The following XKR6 variants were observed in gnomAD, a reference collection of about 807,000 sequenced individuals.
XKR6 encodes the protein XK related 6, also known as XK-related protein 6.
Under a neutral mutation model 56.7 loss-of-function variants are expected in XKR6, and 22 were observed. The ratio of observed to expected loss-of-function variants is 0.39; its 90% CI spans 0.28 to 0.55. The LOEUF is 0.55. XKR6 is among the 20% of genes least tolerant of loss of function. The pLI, the probability that XKR6 is intolerant of heterozygous loss-of-function variation, is 0.66. For missense variants in XKR6, 852 were observed against 889.0 expected (o/e 0.96, Z 0.53); for synonymous variants, 524 against 387.8 (o/e 1.35, Z -4.13).
Position 11,173,151 on chromosome 8 carries a change from C to T in XKR6, c.764+27425G>A, listed in dbSNP as rs537518017. Among the ~76,000 whole-genome samples, 1,009 of 149,554 alleles carry T rather than the reference C, an allele frequency of 6.7e-3. 3 individuals carry two copies. The highest frequency in any genetic ancestry group is 9.7e-3 in the Non-Finnish European group (656 of 67,470). Reference sequence around the variant, plus strand: ...GAGATCGAGACCATCCTGGCTAACACGGTGAAACCCCGTCTCCACTAAAAA... The same window carrying T: ...GAGATCGAGACCATCCTGGCTAACATGGTGAAACCCCGTCTCCACTAAAAA... On this transcript the variant is annotated intron_variant, in intron 1 of 2. Transcript: ENST00000416569.
chr8:11,108,398 A>G (rs1327270836), intron 1 of XKR6: 2 of 445,014 alleles, frequency 4.5e-6, no homozygotes, highest in Non-Finnish European at 8.9e-6. Context: ...ACCCCAAGAC[A>G]TAAGAAAAAG....
At chr8:11,100,281 T>C (rs1384042703) in intron 1 of XKR6, among the ~76,000 whole-genome samples, 3 of 152,170 alleles carry the variant, frequency 2.0e-5, no homozygotes, top group Non-Finnish European at 4.4e-5. Context: ...CTCGAAATTC[T>C]TGGGCTCAAG....
At chr8:11,130,615 T>C (rs1425781813) in intron 1 of XKR6, among the ~76,000 whole-genome samples, 1 of 151,636 alleles carries the variant, frequency 6.6e-6, no homozygotes, top group Non-Finnish European at 1.5e-5. Flanking sequence ...CTCGCCGGTT[T>C]TTTTTTTTTT....
chr8:10,942,402 C>T (rs1339667903), intron 1 of XKR6, among the ~76,000 whole-genome samples: 1 of 152,252 alleles, frequency 6.6e-6, no homozygotes, highest in Non-Finnish European at 1.5e-5. Context: ...GGCCCTGAGT[C>T]CACAGCCAGC....
intron 1 of XKR6, among the ~76,000 whole-genome samples, chr8:10,945,293 G>A (rs1303858800): frequency 5.3e-5 from 8 of 152,204 alleles, no homozygotes; most frequent in Non-Finnish European, 8.8e-5. Context: ...ACACCAGCCT[G>A]GTCAACATGG....
chr8:11,040,051 C>T (rs759650353), intron 1 of XKR6, among the ~76,000 whole-genome samples: 2 of 152,120 alleles, frequency 1.3e-5, no homozygotes, highest in Non-Finnish European at 2.9e-5. Context: ...CCCTCACCGT[C>T]GGGAGGTGAG....
intron 1 of XKR6, among the ~76,000 whole-genome samples, chr8:10,937,973 A>G (rs7000594): frequency 0.48 from 71,793 of 148,658 alleles, 18,393 homozygotes; most frequent in African/African-American, 0.58. Flanking sequence ...AGCAAGCCTG[A>G]GCAATGGCGG....
chr8:10,983,979 G>C (rs1235689705), intron 1 of XKR6, among the ~76,000 whole-genome samples: 1 of 152,020 alleles, frequency 6.6e-6, no homozygotes, highest in Non-Finnish European at 1.5e-5. Context: ...TATAAAACTA[G>C]CATCACATTG....
intron 1 of XKR6, among the ~76,000 whole-genome samples, chr8:11,190,719 A>T (rs777521031): frequency 6.6e-6 from 1 of 152,182 alleles, no homozygotes; most frequent in Non-Finnish European, 1.5e-5. Flanking sequence ...CATCTTCAAT[A>T]AGCCAGACAA....
At chr8:11,166,175 A>T (rs1279690533) in intron 1 of XKR6, among the ~76,000 whole-genome samples, 2 of 152,072 alleles carry the variant, frequency 1.3e-5, no homozygotes, top group African/African-American at 4.8e-5. Context: ...CAGCCATACT[A>T]TTCACTGAAG....
chr8:11,176,369 T>G (rs112592818), intron 1 of XKR6, among the ~76,000 whole-genome samples: 283 of 152,220 alleles, frequency 1.9e-3, no homozygotes, highest in African/African-American at 6.5e-3. Context: ...TAATAAATGG[T>G]AAATGAAGAT....
chr8:11,001,973 C>T lies in XKR6; in HGVS notation c.765-77143G>A, dbSNP rs567258182. On this transcript the variant is annotated intron_variant, in intron 1 of 2. Coordinates refer to ENST00000416569, the MANE Select transcript of XKR6 (RefSeq NM_173683.4). ...CTTCCTTCCAGCAGACCTCAGTTTT[C>T]TAACCAGGCCAATGGGATTATAGAG... 1.5e-3 allele frequency among the ~76,000 whole-genome samples: 232 copies of T among 152,062 alleles called. 3 individuals are homozygous for T. The highest frequency in any genetic ancestry group is 5.4e-3 in the African/African-American group (223 of 41,450).
intron 1 of XKR6, among the ~76,000 whole-genome samples, chr8:11,006,811 T>C (rs536535089): frequency 1.3e-5 from 2 of 152,358 alleles, no homozygotes; most frequent in African/African-American, 4.8e-5. Flanking sequence ...TGGCTGCCGC[T>C]GCAGGTTACC....
intron 1 of XKR6, chr8:11,108,609 C>A (rs2129178618): frequency 3.1e-6 from 1 of 318,986 alleles, no homozygotes; most frequent in Non-Finnish European, 6.0e-6. Flanking sequence ...CAGCCCTTTG[C>A]AGAGAGTTTC....
At chr8:10,913,299 A>C (rs1304866722) in intron 2 of XKR6, among the ~76,000 whole-genome samples, 3 of 151,956 alleles carry the variant, frequency 2.0e-5, no homozygotes, top group African/African-American at 7.3e-5. Flanking sequence ...CTGTACCCCC[A>C]GAGTCTGGCC....
intron 1 of XKR6, among the ~76,000 whole-genome samples, chr8:10,973,639 G>A (rs1802470191): frequency 6.6e-6 from 1 of 151,864 alleles, no homozygotes; most frequent in Non-Finnish European, 1.5e-5. Flanking sequence ...GAGTGCAGTG[G>A]AACCGTCTCA....
At chr8:11,183,489 T>C (rs1393315595) in intron 1 of XKR6, among the ~76,000 whole-genome samples, 1 of 151,992 alleles carries the variant, frequency 6.6e-6, no homozygotes, top group African/African-American at 2.4e-5. Flanking sequence ...TTTTTTTTTT[T>C]TTTTAACTTT....
At chr8:11,185,392 G>C (rs750165397) in intron 1 of XKR6, among the ~76,000 whole-genome samples, 6 of 152,288 alleles carry the variant, frequency 3.9e-5, no homozygotes, top group Non-Finnish European at 7.4e-5. Context: ...GTATCAATTA[G>C]CCTATGGGAA....
intron 1 of XKR6, among the ~76,000 whole-genome samples, chr8:10,988,594 G>T (rs1168350486): frequency 6.6e-6 from 1 of 152,168 alleles, no homozygotes; most frequent in Non-Finnish European, 1.5e-5. Flanking sequence ...GAGAGCTACT[G>T]AGGACCAGGA....
Sources: allele counts gnomAD v4.1 joint callset (sites outside exome capture counted in the v4.1 genomes callset), GRCh38; gene constraint gnomAD v4.1.1; transcripts MANE v1.5; gene names NCBI Gene and HGNC (gene_info 2026-07-23, HGNC 2026-07-21).